RNF145: variants seen among roughly 807,000 people sequenced by gnomAD.
RNF145 encodes the protein ring finger protein 145.
RNF145 carries 12 observed loss-of-function variants against 57.3 expected under a neutral mutation model. That is an observed-to-expected ratio of 0.21 (90% CI 0.13 to 0.34). The LOEUF (loss-of-function observed/expected upper bound fraction) is 0.34. RNF145 is among the 10% of genes least tolerant of loss of function. The probability of loss-of-function intolerance (pLI) is 1.00; values close to 1 mark genes in which losing one functional copy is unlikely to be tolerated. For missense variants in RNF145, 429 were observed against 799.0 expected, an observed-to-expected ratio of 0.54 and a Z score of 5.58; for synonymous variants, 262 against 288.3, an observed-to-expected ratio of 0.91 and a Z score of 0.92.
At chr5:159,186,640 C>G (rs1432451613) in intron 3 of RNF145, among the ~76,000 whole-genome samples, 13 of 152,156 alleles carry the variant, frequency 8.5e-5, no homozygotes, top group Non-Finnish European at 4.4e-5. Flanking sequence ...ACAAACATAC[C>G]TACCATACCG....
chr5:159,200,655 A>T (rs1785630286), intron 2 of RNF145, among the ~76,000 whole-genome samples: 1 of 152,224 alleles, frequency 6.6e-6, no homozygotes, highest in Non-Finnish European at 1.5e-5. Context: ...AAAGCTTAAA[A>T]ACCTTCTAAA....
At chr5:159,182,366 C>T (rs1784921122) in intron 3 of RNF145, among the ~76,000 whole-genome samples, 1 of 152,022 alleles carries the variant, frequency 6.6e-6, no homozygotes, top group Admixed American at 6.6e-5. Context: ...TCTCTCTCAA[C>T]TCTACTACAC....
chr5:159,189,649 T>C (rs1418225467), intron 3 of RNF145, among the ~76,000 whole-genome samples: 1 of 152,226 alleles, frequency 6.6e-6, no homozygotes, highest in Non-Finnish European at 1.5e-5. Context: ...ACATGAATTG[T>C]CATAACATTA....
At chr5:159,176,586 T>C (rs1350215123) in intron 5 of RNF145, 46 bp downstream of exon 5, 1 of 1,077,626 alleles carries the variant, frequency 9.3e-7, no homozygotes, top group Admixed American at 2.0e-5. Flanking sequence ...TACTTAACAT[T>C]TATGTAGAAT....
intron 6 of RNF145, among the ~76,000 whole-genome samples, chr5:159,172,016 C>T (rs919925269): frequency 6.6e-6 from 1 of 152,178 alleles, no homozygotes; most frequent in African/African-American, 2.4e-5. Context: ...AGTCCAAATG[C>T]ATTCATGGCT....
chr5:159,203,679 T>C lies in RNF145; in HGVS notation c.-39-23A>G, dbSNP rs111276715. On this transcript the variant is annotated intron_variant, in intron 1 of 10. Transcript: ENST00000424310. ...GACCTAAAATTCAGAAGACACAATATATAAAAATAAAAAGTCAACACAAAT... is the reference window on the plus strand; with the variant it reads ...GACCTAAAATTCAGAAGACACAATACATAAAAATAAAAAGTCAACACAAAT... 4.8e-5 allele frequency: 72 copies of C among 1,501,102 alleles called. 1 individual carries two copies. The African/African-American group carries it at 4.9e-4, about 10-fold the overall frequency. 93.0% of individuals were successfully genotyped at this position (1,501,102 alleles called of 1,614,324 possible).
intron 2 of RNF145, among the ~76,000 whole-genome samples, chr5:159,195,172 G>A (rs1307230826): frequency 1.3e-5 from 2 of 152,016 alleles, no homozygotes; most frequent in South Asian, 4.2e-4. Flanking sequence ...AAAACTGGGT[G>A]TCTTAATGTC....
Position 159,209,442 on chromosome 5 carries a change from G to T in RNF145, c.-251C>A. 2 of 984,784 alleles carry T rather than the reference G, an allele frequency of 2.0e-6. No individual in the cohort carries two copies. The highest frequency in any genetic ancestry group is 2.4e-6 in the Non-Finnish European group (2 of 828,874). The allele number at this position is 984,784 out of a possible 1,614,324, so 61.0% of individuals were successfully genotyped here. Reference sequence around the variant, plus strand: ...CAGCGGCAGCGGCCCGGCCCGTACGGTCACCATCGTCCGCGGCAGCAGGCG... The same window carrying T: ...CAGCGGCAGCGGCCCGGCCCGTACGTTCACCATCGTCCGCGGCAGCAGGCG... On this transcript the variant is annotated 5_prime_UTR_variant, in exon 1 of 11. Transcript: ENST00000424310.
intron 8 of RNF145, among the ~76,000 whole-genome samples, chr5:159,163,360 C>T (rs572086759): frequency 6.6e-6 from 1 of 152,320 alleles, no homozygotes; most frequent in African/African-American, 2.4e-5. Flanking sequence ...TTATTTCAGG[C>T]TTTTGTAGCC....
intron 3 of RNF145, among the ~76,000 whole-genome samples, chr5:159,193,814 C>T (rs367548300): frequency 2.9e-3 from 434 of 152,260 alleles, no homozygotes; most frequent in Non-Finnish European, 5.1e-3. Flanking sequence ...CTGTTTCAGA[C>T]TCTTATTATG....
chr5:159,183,457 G>A (rs1784959578), intron 3 of RNF145, among the ~76,000 whole-genome samples: 1 of 152,132 alleles, frequency 6.6e-6, no homozygotes, highest in Admixed American at 6.6e-5. Context: ...AATGTCAACT[G>A]TGCAATATTG....
chr5:159,158,768 A>T lies in RNF145; in HGVS notation c.1894T>A (p.Tyr632Asn), dbSNP rs1243116430. 6.2e-7 allele frequency: 1 copy of T among 1,613,810 alleles called. No individual in the cohort carries two copies. Among genetic ancestry groups the T allele is most frequent in the Non-Finnish European group, 8.5e-7 (1 of 1,179,844 alleles). The change falls in exon 11 of 11, where the codon TAC becomes AAC. Residue 632 changes from tyrosine to asparagine, a missense_variant. By Grantham distance (143) the Tyr-to-Asn change is moderately radical. Around this residue, in one of 4 missense-constraint regions of RNF145, gnomAD observed 102 missense variants for 106.2 expected, o/e 0.96. Transcript: ENST00000424310. ...IQEGSRDNNE[Y>N]IARRPDNQEG... ...TGGTTATCTGGTCGTCTGGCAATGT[A>T]CTCATTATTGTCCCTGGAACCTTCC...
chr5:159,209,940 C>A, upstream of RNF145: 1 of 1,526,104 alleles, frequency 6.6e-7, no homozygotes, highest in Non-Finnish European at 8.8e-7. Flanking sequence ...GTTTTAACCT[C>A]GTCACTGACT....
chr5:159,204,399 G>A (rs1016538865), intron 1 of RNF145, among the ~76,000 whole-genome samples: 2 of 151,958 alleles, frequency 1.3e-5, no homozygotes, highest in African/African-American at 4.8e-5. Flanking sequence ...GGGGGGGCAG[G>A]GGGAGGAGGA....
intron 6 of RNF145, 78 bp downstream of exon 6, chr5:159,173,905 C>A: frequency 1.0e-6 from 1 of 997,440 alleles, no homozygotes; most frequent in Non-Finnish European, 1.4e-6. Flanking sequence ...TAAAAGTAAT[C>A]TGCAAAACTT....
chr5:159,173,239 T>C (rs1784612114), intron 6 of RNF145, among the ~76,000 whole-genome samples: 1 of 152,184 alleles, frequency 6.6e-6, no homozygotes, highest in African/African-American at 2.4e-5. Flanking sequence ...GATTTTTTTT[T>C]TGCAAGTTTT....
At chr5:159,181,904 AAGTT>A (rs1293705498) in intron 4 of RNF145, 52 bp downstream of exon 4, 2 of 987,720 alleles carry the variant, frequency 2.0e-6, no homozygotes, top group Non-Finnish European at 3.1e-6. Flanking sequence ...TGAATTTTAT[AAGTT>A]AGTAAGACTG....
intron 2 of RNF145, among the ~76,000 whole-genome samples, chr5:159,202,813 T>C (rs1785715822): frequency 6.6e-6 from 1 of 152,172 alleles, no homozygotes; most frequent in African/African-American, 2.4e-5. Context: ...ATCTGTTTCA[T>C]GCTTGTATTT....
intron 6 of RNF145, among the ~76,000 whole-genome samples, chr5:159,171,131 T>C (rs1784539653): frequency 6.6e-6 from 1 of 152,164 alleles, no homozygotes; most frequent in Non-Finnish European, 1.5e-5. Context: ...GGAGCCAAAA[T>C]ATCCACCAAT....
Sources: gnomAD v4.1 joint callset for allele counts (sites outside exome capture counted in the v4.1 genomes callset) on GRCh38, gnomAD v4.1.1 for gene constraint, gnomAD v4.1.1 regional missense constraint, MANE v1.5 for transcripts, NCBI Gene and HGNC (gene_info 2026-07-23, HGNC 2026-07-21) for gene names.